ITSN1: variants seen among roughly 807,000 people sequenced by gnomAD.
The protein encoded by ITSN1 is intersectin 1, also known as intersectin-1.
A neutral mutation model predicts 239.8 loss-of-function variants in ITSN1; 58 were observed. The observed-to-expected ratio is 0.24, with a 90% CI of 0.20 to 0.30. The LOEUF (loss-of-function observed/expected upper bound fraction) is 0.30, where lower values mean the gene tolerates loss of function less well. Among genes scored for constraint, ITSN1 ranks in the 10% least tolerant of loss-of-function variants. ITSN1 has a pLI of 1.00. For missense variants in ITSN1, 1,558 were observed against 2,103.3 expected (o/e 0.74, Z 5.07); for synonymous variants, 780 against 770.8 (o/e 1.01, Z -0.20).
chr21:33,724,860 G>A (rs979460313), intron 4 of ITSN1, among the ~76,000 whole-genome samples: 3 of 151,842 alleles, frequency 2.0e-5, no homozygotes, highest in African/African-American at 4.8e-5. Context: ...TTGCTATGTT[G>A]TCCATGCTGG....
At position 33,811,217 on chromosome 21, in the gene ITSN1, C is replaced by A; in HGVS notation, c.2562C>A (p.Ser854Arg). The change falls in exon 21 of 40, where the codon AGC (serine) becomes AGA (arginine). Residue 854 changes from serine to arginine, a missense_variant. Ser to Arg is a moderately radical substitution (Grantham distance 110). Coordinates refer to ENST00000381318, the MANE Select transcript of ITSN1 (RefSeq NM_003024.3). The stretch of plus-strand genomic sequence containing the variant: ...CCCCTAATAACTGGGCCGACTTCAG[C>A]TCCACGTACGTGTTGGTGGGCTCTT... ...STTPNNWADF[S>R]STWPTSTNEK... 6.3e-7 allele frequency: 1 copy of A among 1,588,354 alleles called. No homozygotes were observed. The highest frequency in any genetic ancestry group is 8.6e-7 in the Non-Finnish European group (1 of 1,166,266).
At chr21:33,844,339 G>C (rs183900716) in intron 29 of ITSN1, among the ~76,000 whole-genome samples, 49 of 152,330 alleles carry the variant, frequency 3.2e-4, no homozygotes, top group African/African-American at 1.1e-3. Context: ...GGAATGTGCA[G>C]GGCTTTTAAA....
intron 14 of ITSN1, among the ~76,000 whole-genome samples, chr21:33,777,422 T>A (rs1417633738): frequency 2.0e-5 from 3 of 152,216 alleles, no homozygotes; most frequent in Non-Finnish European, 4.4e-5. Context: ...TTGTTTTTGG[T>A]TATTCCAGGT....
chr21:33,830,607 G>A (rs1322158284), intron 27 of ITSN1, among the ~76,000 whole-genome samples: 1 of 152,106 alleles, frequency 6.6e-6, no homozygotes, highest in Non-Finnish European at 1.5e-5. Context: ...CTAAAGAGGC[G>A]TGAGGACTGG....
chr21:33,724,545 T>C (rs2065701174), intron 4 of ITSN1, among the ~76,000 whole-genome samples: 1 of 152,264 alleles, frequency 6.6e-6, no homozygotes, highest in African/African-American at 2.4e-5. Context: ...TTCCGCAGAC[T>C]TAACTTCCTC....
intron 5 of ITSN1, among the ~76,000 whole-genome samples, chr21:33,736,357 A>G (rs1204025186): frequency 6.6e-6 from 1 of 152,258 alleles, no homozygotes; most frequent in African/African-American, 2.4e-5. Flanking sequence ...TTTACTTACT[A>G]GGTTTCCTAT....
At chr21:33,808,516 C>A (rs1176949710) in intron 20 of ITSN1, among the ~76,000 whole-genome samples, 1 of 151,092 alleles carries the variant, frequency 6.6e-6, no homozygotes, top group East Asian at 1.9e-4. Flanking sequence ...ACCCAGGAGG[C>A]AGAGGTTGCA....
chr21:33,717,767 C>T (rs2065246912), intron 1 of ITSN1, among the ~76,000 whole-genome samples: 1 of 151,992 alleles, frequency 6.6e-6, no homozygotes, highest in Non-Finnish European at 1.5e-5. Flanking sequence ...TGGGGTTTTA[C>T]CGTGTTAGCT....
At chr21:33,886,577 A>T (rs1252424885) in intron 39 of ITSN1, 117 bp downstream of exon 39, 5 of 926,816 alleles carry the variant, frequency 5.4e-6, no homozygotes, top group Middle Eastern at 3.5e-4. Flanking sequence ...CTCCTGAGAG[A>T]TGAGGCTGGC....
intron 7 of ITSN1, chr21:33,754,288 A>G (rs2067769049): frequency 6.6e-6 from 1 of 152,212 alleles, no homozygotes; most frequent in Non-Finnish European, 1.5e-5. Flanking sequence ...GTACTTCTCG[A>G]GTGTTTGGGA....
At chr21:33,676,616 G>A (rs1341062299) in intron 1 of ITSN1, among the ~76,000 whole-genome samples, 1 of 152,154 alleles carries the variant, frequency 6.6e-6, no homozygotes, top group Non-Finnish European at 1.5e-5. Flanking sequence ...ATTTATTTTA[G>A]TGTGGCCAAA....
intron 11 of ITSN1, among the ~76,000 whole-genome samples, chr21:33,770,612 TG>T (rs1312795745): frequency 6.6e-6 from 1 of 152,170 alleles, no homozygotes; most frequent in African/African-American, 2.4e-5. Flanking sequence ...TTCTGATTCT[TG>T]GGATTTACCT....
chr21:33,669,434 T>G (rs1289174220), intron 1 of ITSN1, among the ~76,000 whole-genome samples: 1 of 147,732 alleles, frequency 6.8e-6, no homozygotes, highest in Admixed American at 6.8e-5. Context: ...AATACTTTTT[T>G]CATTTAAGTT....
chr21:33,696,301 T>G (rs183372636), intron 1 of ITSN1, among the ~76,000 whole-genome samples: 47 of 152,312 alleles, frequency 3.1e-4, no homozygotes, highest in Admixed American at 1.8e-3. Context: ...CTGTGCAGAT[T>G]GCCTTTATCT....
intron 1 of ITSN1, among the ~76,000 whole-genome samples, chr21:33,687,459 G>A (rs1315725451): frequency 1.3e-5 from 2 of 148,514 alleles, no homozygotes; most frequent in East Asian, 2.0e-4. Flanking sequence ...GATGCTTATC[G>A]GCATGAGTTT....
At chr21:33,857,716 G>T (rs1979625955) in intron 30 of ITSN1, among the ~76,000 whole-genome samples, 3 of 152,268 alleles carry the variant, frequency 2.0e-5, no homozygotes, top group Admixed American at 6.5e-5. Flanking sequence ...AACTCAAAAA[G>T]GTGCCCCTTT....
At chr21:33,767,531 T>C (rs2068808946) in intron 10 of ITSN1, among the ~76,000 whole-genome samples, 182 bp from the exon 11 acceptor site, 1 of 152,236 alleles carries the variant, frequency 6.6e-6, no homozygotes, top group African/African-American at 2.4e-5. Flanking sequence ...TCTGATGACA[T>C]TCCAATATTC....
chr21:33,676,719 G>T (rs2090617214), intron 1 of ITSN1, among the ~76,000 whole-genome samples: 1 of 152,216 alleles, frequency 6.6e-6, no homozygotes, highest in African/African-American at 2.4e-5. Context: ...GCCACTAAGT[G>T]TCACACTGTT....
intron 16 of ITSN1, among the ~76,000 whole-genome samples, chr21:33,782,746 C>G (rs1231811906): frequency 6.6e-6 from 1 of 152,200 alleles, no homozygotes. Flanking sequence ...TAATTCTTGG[C>G]CGGGCGTGGT....
Sources: gnomAD v4.1 joint callset for allele counts (sites outside exome capture counted in the v4.1 genomes callset) on GRCh38, gnomAD v4.1.1 for gene constraint, MANE v1.5 for transcripts, NCBI Gene and HGNC (gene_info 2026-07-23, HGNC 2026-07-21) for gene names.